Variants in CSGALNACT1 observed in about 807,000 individuals in gnomAD.
CSGALNACT1 encodes chondroitin sulfate N-acetylgalactosaminyltransferase 1.
In CSGALNACT1, 52 loss-of-function variants were observed where a neutral mutation model predicts 51.0. The observed-to-expected ratio is 1.02, with a 90% CI of 0.82 to 1.29. The LOEUF is 1.29. CSGALNACT1 is among the 50% of genes most tolerant of loss of function. The probability of loss-of-function intolerance (pLI) is 0.00; values close to 1 mark genes in which losing one functional copy is unlikely to be tolerated. For synonymous variants in CSGALNACT1, 341 were observed against 254.4 expected, an observed-to-expected ratio of 1.34 and a Z score of -3.24; for missense variants, 935 against 679.2, an observed-to-expected ratio of 1.38 and a Z score of -4.19.
chr8:19,421,176 T>C (rs534803101), intron 6 of CSGALNACT1, among the ~76,000 whole-genome samples: 4 of 152,340 alleles, frequency 2.6e-5, no homozygotes, highest in African/African-American at 9.6e-5. Context: ...ATCTGCTAAA[T>C]AGGTGTAGTA....
intron 1 of CSGALNACT1, among the ~76,000 whole-genome samples, chr8:19,612,000 G>A (rs1410483825): frequency 1.3e-5 from 2 of 152,024 alleles, no homozygotes; most frequent in Non-Finnish European, 2.9e-5. Flanking sequence ...TTGTGATTCT[G>A]CTGGTCCTCT....
chr8:19,536,064 G>A (rs984121386), intron 3 of CSGALNACT1, among the ~76,000 whole-genome samples: 4 of 152,084 alleles, frequency 2.6e-5, no homozygotes, highest in African/African-American at 9.7e-5. Context: ...ATCTATATAG[G>A]CAATGCCAAG....
chr8:19,751,142 T>TA (rs201549860), intron 1 of CSGALNACT1, among the ~76,000 whole-genome samples: 2,183 of 152,222 alleles, frequency 0.014, 17 homozygotes, highest in Non-Finnish European at 0.024. Flanking sequence ...ATTCAATGAG[T>TA]ATTTATGCTG....
intron 1 of CSGALNACT1, among the ~76,000 whole-genome samples, chr8:19,697,937 A>G (rs1333536514): frequency 6.6e-6 from 1 of 152,180 alleles, no homozygotes; most frequent in Non-Finnish European, 1.5e-5. Context: ...CCAGGAAGCA[A>G]GGAGGAAGAT....
chr8:19,433,968 C>T (rs1312970051), intron 6 of CSGALNACT1, among the ~76,000 whole-genome samples: 3 of 152,130 alleles, frequency 2.0e-5, no homozygotes, highest in Non-Finnish European at 4.4e-5. Flanking sequence ...TGCTTGTGGG[C>T]TGTTGAATTT....
In CSGALNACT1 at chr8:19,662,391, A is replaced by C. The variant is rs1266783887; in HGVS notation, c.-544+20082T>G. On this transcript the variant is annotated intron_variant, in intron 1 of 9. Coordinates refer to the CSGALNACT1 transcript ENST00000332246. ...GAAAGATTCTTGCCTCTAAAAAAGAAAGAAAAATATCTGAAATCCAGCAAC... is the reference window on the plus strand; with the variant it reads ...GAAAGATTCTTGCCTCTAAAAAAGACAGAAAAATATCTGAAATCCAGCAAC... Among the ~76,000 whole-genome samples the C allele has an allele frequency of 2.6e-5, 4 of 152,144 alleles. No individual in the cohort carries two copies. In the East Asian group the frequency reaches 7.7e-4, roughly 29 times the overall value.
intron 4 of CSGALNACT1, among the ~76,000 whole-genome samples, chr8:19,476,502 A>C (rs901738968): frequency 6.6e-6 from 1 of 152,074 alleles, no homozygotes; most frequent in Admixed American, 6.5e-5. Flanking sequence ...TCACCCTCCC[A>C]AAGTGCTGGG....
chr8:19,493,080 A>G (rs1434865390), intron 4 of CSGALNACT1, among the ~76,000 whole-genome samples: 1 of 152,128 alleles, frequency 6.6e-6, no homozygotes, highest in Non-Finnish European at 1.5e-5. Context: ...AACATCTGTA[A>G]ATATGTTTGC....
At chr8:19,413,522 G>A (rs747669755) in intron 8 of CSGALNACT1, among the ~76,000 whole-genome samples, 2 of 152,294 alleles carry the variant, frequency 1.3e-5, no homozygotes, top group South Asian at 2.1e-4. Context: ...GTATTCAGCG[G>A]GTGTATGTTT....
intron 1 of CSGALNACT1, among the ~76,000 whole-genome samples, chr8:19,744,078 A>AG (rs1705392290): frequency 6.6e-6 from 1 of 152,194 alleles, no homozygotes; most frequent in African/African-American, 2.4e-5. Flanking sequence ...ACTTCACACG[A>AG]GAAAAAAAAC....
At chr8:19,419,876 T>C (rs982105280) in intron 7 of CSGALNACT1, among the ~76,000 whole-genome samples, 1 of 152,198 alleles carries the variant, frequency 6.6e-6, no homozygotes, top group Non-Finnish European at 1.5e-5. Flanking sequence ...TCATCTTGAA[T>C]TGTAGCTCCC....
intron 4 of CSGALNACT1, among the ~76,000 whole-genome samples, chr8:19,473,904 T>C (rs1282133981): frequency 1.3e-5 from 2 of 152,214 alleles, no homozygotes; most frequent in African/African-American, 4.8e-5. Flanking sequence ...TTTTCTACTA[T>C]AATAAAATGA....
At chr8:19,448,170 G>A (rs1275071372) in intron 5 of CSGALNACT1, among the ~76,000 whole-genome samples, 2 of 152,082 alleles carry the variant, frequency 1.3e-5, no homozygotes, top group Admixed American at 6.5e-5. Flanking sequence ...CCAGAGTAGG[G>A]GAGAGAGAGA....
At chr8:19,440,794 G>A (rs1167652880) in intron 5 of CSGALNACT1, among the ~76,000 whole-genome samples, 4 of 151,972 alleles carry the variant, frequency 2.6e-5, no homozygotes, top group Admixed American at 6.6e-5. Context: ...GTTTGCAGAT[G>A]ACATGATTGT....
At chr8:19,704,010 C>G (rs370306713) in intron 1 of CSGALNACT1, among the ~76,000 whole-genome samples, 2 of 152,100 alleles carry the variant, frequency 1.3e-5, no homozygotes, top group South Asian at 2.1e-4. Flanking sequence ...TCTTCCAGCC[C>G]CACTCAGTAA....
intron 1 of CSGALNACT1, among the ~76,000 whole-genome samples, chr8:19,701,471 ACACCAAAG>A (rs1356543265): frequency 6.6e-6 from 1 of 152,048 alleles, no homozygotes; most frequent in Non-Finnish European, 1.5e-5. Flanking sequence ...ATATCTTAAG[ACACCAAAG>A]CAGTGCCAGC....
At chr8:19,571,403 G>C (rs1011143927) in intron 3 of CSGALNACT1, among the ~76,000 whole-genome samples, 8 of 151,630 alleles carry the variant, frequency 5.3e-5, no homozygotes, top group Non-Finnish European at 1.2e-4. Flanking sequence ...ACTGACTTAA[G>C]CCTGGTGCCT....
intron 3 of CSGALNACT1, among the ~76,000 whole-genome samples, chr8:19,516,020 G>T (rs771665652): frequency 1.3e-5 from 2 of 152,066 alleles, no homozygotes; most frequent in African/African-American, 2.4e-5. Context: ...GCCAAACCCC[G>T]CAAGGAGACC....
upstream of CSGALNACT1, among the ~76,000 whole-genome samples, chr8:19,603,783 A>T (rs2050936250): frequency 6.6e-6 from 1 of 152,202 alleles, no homozygotes; most frequent in Non-Finnish European, 1.5e-5. Flanking sequence ...TGGCCATCTA[A>T]GTAAAAAGGG....
Sources: gnomAD v4.1 joint callset for allele counts (sites outside exome capture counted in the v4.1 genomes callset) on GRCh38, gnomAD v4.1.1 for gene constraint, MANE v1.5 for transcripts, NCBI Gene and HGNC (gene_info 2026-07-23, HGNC 2026-07-21) for gene names.